Variants in EVI5 observed in about 807,000 individuals in gnomAD.
EVI5 encodes the protein ecotropic viral integration site 5.
Under a neutral mutation model 112.0 loss-of-function variants are expected in EVI5, and 73 were observed. That is an observed-to-expected ratio of 0.65 (90% CI 0.54 to 0.79). The LOEUF (loss-of-function observed/expected upper bound fraction) is 0.79. Among genes scored for constraint, EVI5 ranks in the 30% least tolerant of loss-of-function variants. The pLI, the probability that EVI5 is intolerant of heterozygous loss-of-function variation, is 0.00. For missense variants in EVI5, 900 were observed against 968.8 expected, an observed-to-expected ratio of 0.93 and a Z score of 0.94; for synonymous variants, 305 against 319.9, an observed-to-expected ratio of 0.95 and a Z score of 0.50.
At chr1:92,698,332 T>C (rs1051654384) in intron 5 of EVI5, among the ~76,000 whole-genome samples, 8 of 152,190 alleles carry the variant, frequency 5.3e-5, no homozygotes, top group African/African-American at 1.9e-4. Flanking sequence ...CCTGAATTTC[T>C]AATGGAGGGA....
rs531387026 is a variant in EVI5, at chr1:92,785,015, T to C, written c.-261A>G. The C allele has an allele frequency of 0.011, 10,717 of 984,826 alleles. 69 individuals are homozygous for C. The highest frequency in any genetic ancestry group is 0.012 in the Non-Finnish European group (10,096 of 829,886). The allele number at this position is 984,826 out of a possible 1,614,324, so 61.0% of individuals were successfully genotyped here. A position where few individuals can be genotyped will look rare whatever the true frequency, so the allele number is the denominator to read the frequency against. On this transcript the variant is annotated 5_prime_UTR_variant, in exon 1 of 20. Coordinates refer to ENST00000684568, the MANE Select transcript of EVI5 (RefSeq NM_001350197.2). The stretch of plus-strand genomic sequence containing the variant: ...CCGCCTCGCGACCCTCACCTACCCC[T>C]CCCGGCACCGCCGCTGTCGGAACTG...
At chr1:92,532,265 G>A (rs1221888251) in intron 19 of EVI5, among the ~76,000 whole-genome samples, 1 of 152,142 alleles carries the variant, frequency 6.6e-6, no homozygotes, top group Admixed American at 6.5e-5. Context: ...TCCAATACAA[G>A]AGCGCCCAGA....
chr1:92,739,847 G>T (rs1050538267), intron 1 of EVI5, among the ~76,000 whole-genome samples: 2 of 151,824 alleles, frequency 1.3e-5, no homozygotes, highest in East Asian at 3.9e-4. Context: ...CATTTCTAGA[G>T]TATAATATTC....
intron 13 of EVI5, chr1:92,647,027 G>A (rs7529332): frequency 0.92 from 198,167 of 215,214 alleles, 91,353 homozygotes; most frequent in Middle Eastern, 0.97. Flanking sequence ...GGAGACAGAT[G>A]AACAGTTTTT....
At position 92,665,923 on chromosome 1, in the gene EVI5, G is replaced by C. The variant is rs762508814; in HGVS notation, c.1212+16C>G. On this transcript the variant is annotated intron_variant, in intron 11 of 19. Transcript: ENST00000684568. ...AGGCATTCAACAGAAGCTTGCATAA[G>C]TAGTCACTTACTTACTTTTTCTAAT... 1.3e-5 allele frequency: 20 copies of C among 1,562,112 alleles called. 1 individual carries two copies. Among genetic ancestry groups the C allele is most frequent in the Admixed American group, 1.1e-4 (6 of 55,880 alleles).
In EVI5 at chr1:92,684,034, T is replaced by C. The variant is rs899764420; in HGVS notation, c.1098-6816A>G. 3.9e-5 allele frequency among the ~76,000 whole-genome samples: 6 copies of C among 152,174 alleles called. No individual in the cohort carries two copies. The East Asian group carries it at 9.7e-4, about 24-fold the overall frequency. The stretch of plus-strand genomic sequence containing the variant: ...CTAGCAAGGCAGGACAACATTCAAA[T>C]TGAGGAAAAACAGAGAACACCACAA... On this transcript the variant is annotated intron_variant, in intron 9 of 19. Transcript: ENST00000684568.
rs187082589 is a variant in EVI5 at position 92,599,302 on chromosome 1, G to A, written c.2070+6005C>T. The stretch of plus-strand genomic sequence containing the variant: ...CGGTTTGTGCAAAAACATTTTACTC[G>A]CAAGAGAGTACCAGTAATTGGAAGA... On this transcript the variant is annotated intron_variant, in intron 18 of 19. Transcript: ENST00000684568. Among the ~76,000 whole-genome samples the A allele has an allele frequency of 6.6e-5, 10 of 151,968 alleles. No individual in the cohort carries two copies. The East Asian group carries it at 1.7e-3, about 26-fold the overall frequency.
chr1:92,637,555 T>C (rs551260556), intron 13 of EVI5, among the ~76,000 whole-genome samples: 1 of 152,154 alleles, frequency 6.6e-6, no homozygotes, highest in Non-Finnish European at 1.5e-5. Context: ...CCAGTGCCCA[T>C]AGAAAAGCTT....
At chr1:92,770,014 A>T (rs754003931) in intron 1 of EVI5, among the ~76,000 whole-genome samples, 4 of 152,214 alleles carry the variant, frequency 2.6e-5, no homozygotes, top group Non-Finnish European at 5.9e-5. Context: ...AAATTTGAAG[A>T]TGCTATGCTG....
chr1:92,567,215 TTAAAC>T (rs1239316678), intron 18 of EVI5, among the ~76,000 whole-genome samples: 1 of 152,138 alleles, frequency 6.6e-6, no homozygotes, highest in Non-Finnish European at 1.5e-5. Flanking sequence ...TACAATATAT[TTAAAC>T]TAAGTGTTAT....
intron 19 of EVI5, among the ~76,000 whole-genome samples, chr1:92,548,602 G>A (rs575310829): frequency 1.6e-3 from 246 of 152,198 alleles, no homozygotes; most frequent in Middle Eastern, 3.4e-3. Context: ...AAACCCCATC[G>A]TCTCAGCCCA....
intron 19 of EVI5, among the ~76,000 whole-genome samples, chr1:92,561,529 T>C (rs1318455949): frequency 6.6e-6 from 1 of 151,994 alleles, no homozygotes; most frequent in African/African-American, 2.4e-5. Flanking sequence ...ATGTGAGTTA[T>C]TTTCTGGCAG....
intron 1 of EVI5, among the ~76,000 whole-genome samples, chr1:92,770,889 C>T (rs1683330114): frequency 6.6e-6 from 1 of 151,730 alleles, no homozygotes; most frequent in African/African-American, 2.4e-5. Context: ...GATCCCGGTT[C>T]ACTGCAACCT....
At chr1:92,785,846 G>T (rs1339942014), upstream of EVI5, among the ~76,000 whole-genome samples, 4 of 152,102 alleles carry the variant, frequency 2.6e-5, no homozygotes, top group Admixed American at 2.6e-4. Context: ...TTGGGAGGCC[G>T]AGGCGGGCGG....
chr1:92,598,247 G>A (rs951126490), intron 18 of EVI5, among the ~76,000 whole-genome samples: 1 of 152,024 alleles, frequency 6.6e-6, no homozygotes, highest in Non-Finnish European at 1.5e-5. Context: ...AATATGTTGA[G>A]GGGGAAGCGT....
At chr1:92,734,358 A>G (rs566249327) in intron 2 of EVI5, among the ~76,000 whole-genome samples, 1 of 152,308 alleles carries the variant, frequency 6.6e-6, no homozygotes, top group African/African-American at 2.4e-5. Context: ...CCAAAGCAAA[A>G]CACTTGCCGA....
intron 1 of EVI5, among the ~76,000 whole-genome samples, chr1:92,738,751 T>C (rs1049267733): frequency 2.6e-5 from 4 of 152,208 alleles, no homozygotes; most frequent in Admixed American, 6.5e-5. Context: ...TTAATATTCA[T>C]AGAATCTAGA....
chr1:92,646,039 C>T (rs903433142), intron 13 of EVI5, among the ~76,000 whole-genome samples: 12 of 152,224 alleles, frequency 7.9e-5, no homozygotes, highest in African/African-American at 2.9e-4. Flanking sequence ...ACCTGACCCT[C>T]ACCAATGGGT....
intron 14 of EVI5, among the ~76,000 whole-genome samples, chr1:92,627,759 G>A (rs1435630289): frequency 6.6e-6 from 1 of 151,432 alleles, no homozygotes; most frequent in Non-Finnish European, 1.5e-5. Context: ...GTTTTGATTT[G>A]CATTTCCCTG....
Sources: allele counts gnomAD v4.1 joint callset (sites outside exome capture counted in the v4.1 genomes callset), GRCh38; gene constraint gnomAD v4.1.1; transcripts MANE v1.5; gene names NCBI Gene and HGNC (gene_info 2026-07-23, HGNC 2026-07-21).